The following SNX18 variants were observed in gnomAD, a reference collection of about 807,000 sequenced individuals.
The protein encoded by SNX18 is sorting nexin 18.
Under a neutral mutation model 48.7 loss-of-function variants are expected in SNX18, and 35 were observed. That is an observed-to-expected ratio of 0.72 (90% CI 0.55 to 0.95). SNX18 has a LOEUF of 0.95. Among genes scored for constraint, SNX18 ranks in the 40% least tolerant of loss-of-function variants. SNX18 has a pLI of 0.00. For synonymous variants in SNX18, 492 were observed against 384.7 expected (o/e 1.28, Z -3.26); for missense variants, 824 against 871.0 (o/e 0.95, Z 0.68).
chr5:54,615,424 C>G, the SNX18 span, among the ~76,000 whole-genome samples: 1 of 151,920 alleles, frequency 6.6e-6, no homozygotes, highest in African/African-American at 2.4e-5. Flanking sequence ...CATTCCTACT[C>G]TCTTTTAAAA....
At chr5:54,539,224 T>C (rs1188107628) in intron 1 of SNX18, among the ~76,000 whole-genome samples, 5 of 150,636 alleles carry the variant, frequency 3.3e-5, no homozygotes, top group Non-Finnish European at 7.4e-5. Context: ...AGTGCTTGCT[T>C]TGAAGTCAGT....
chr5:54,517,922 A>G lies in SNX18; in HGVS notation c.-31A>G. On this transcript the variant is annotated 5_prime_UTR_variant, in exon 1 of 2. Transcript: ENST00000381410. ...GTGGGCCTCGGCTCGGGACGCCGGG[A>G]GTCGGGACCGCCAGTCGGGGCGCCG... The G allele has an allele frequency of 6.7e-7, 1 of 1,483,324 alleles. No individual in the cohort carries two copies. The highest frequency in any genetic ancestry group is 1.3e-5 in the South Asian group (1 of 78,470). The allele number at this position is 1,483,324 out of a possible 1,614,324, so 91.9% of individuals were successfully genotyped here. A position where few individuals can be genotyped will look rare whatever the true frequency, so the allele number is the denominator to read the frequency against.
chr5:54,636,068 G>C, the SNX18 span, among the ~76,000 whole-genome samples: 4 of 152,168 alleles, frequency 2.6e-5, no homozygotes, highest in Non-Finnish European at 4.4e-5. Flanking sequence ...GCAAACACCA[G>C]CTTAGGAGAA....
the SNX18 span, among the ~76,000 whole-genome samples, chr5:54,605,219 A>G: frequency 2.0e-5 from 3 of 152,168 alleles, no homozygotes; most frequent in African/African-American, 7.2e-5. Context: ...AGGAGGAAAT[A>G]TATCCTGTTT....
chr5:54,637,813 T>C, the SNX18 span, among the ~76,000 whole-genome samples: 1 of 152,216 alleles, frequency 6.6e-6, no homozygotes, highest in South Asian at 2.1e-4. Flanking sequence ...ATACTCTACA[T>C]GACCTTGCAA....
Position 54,543,230 on chromosome 5 carries a change from T to A in SNX18, c.1673T>A (p.Met558Lys), listed in dbSNP as rs758111821. The A allele has an allele frequency of 6.2e-7, 1 of 1,614,090 alleles. No individual in the cohort carries two copies. Among genetic ancestry groups the A allele is most frequent in the Non-Finnish European group, 8.5e-7 (1 of 1,180,018 alleles). Residue 558 changes from methionine (M) to lysine (K), a missense_variant, in exon 2 of 2, where the codon ATG becomes AAG. By Grantham distance (95) the Met-to-Lys change is moderately conservative (BLOSUM62 -1). Transcript: ENST00000381410. ...AGGCGACACGTGGAGGAAGGGAAGA[T>A]GGAGGTGCAGAAGGCTGACGGCATT... ...ESRRHVEEGKMEVQKADGIQD... is the reference protein window; with the variant it reads ...ESRRHVEEGKKEVQKADGIQD...
the SNX18 span, among the ~76,000 whole-genome samples, chr5:54,613,540 T>C: frequency 3.9e-5 from 6 of 152,160 alleles, no homozygotes; most frequent in South Asian, 4.1e-4. Context: ...TGCTGTTGCA[T>C]TGGGGATGTT....
the SNX18 span, among the ~76,000 whole-genome samples, chr5:54,580,661 A>T: frequency 6.6e-6 from 1 of 152,232 alleles, no homozygotes; most frequent in Non-Finnish European, 1.5e-5. Context: ...GCAGAAAAAG[A>T]AAAATGGATC....
At chr5:54,521,356 G>T (rs1451785956) in intron 1 of SNX18, among the ~76,000 whole-genome samples, 3 of 152,186 alleles carry the variant, frequency 2.0e-5, no homozygotes, top group Non-Finnish European at 4.4e-5. Flanking sequence ...AAAAGGTATG[G>T]TGTGTGTTCT....
the SNX18 span, among the ~76,000 whole-genome samples, chr5:54,635,648 G>A: frequency 6.6e-6 from 1 of 152,222 alleles, no homozygotes; most frequent in Non-Finnish European, 1.5e-5. Context: ...GGTAGCATAT[G>A]TAGTGGATGC....
At chr5:54,620,115 T>C in the SNX18 span, among the ~76,000 whole-genome samples, 2 of 152,310 alleles carry the variant, frequency 1.3e-5, no homozygotes, top group East Asian at 3.9e-4. Flanking sequence ...TTTTCACCTC[T>C]GTTTTATAAA....
the SNX18 span, among the ~76,000 whole-genome samples, chr5:54,642,139 C>A: frequency 6.6e-6 from 1 of 152,164 alleles, no homozygotes. Context: ...TATCAGGAAC[C>A]ATGAAAGGTC....
In SNX18 at chr5:54,544,625, G is replaced by T. The variant is rs1762540198; in HGVS notation, c.*1193G>T. On this transcript the variant is annotated 3_prime_UTR_variant, in exon 2 of 2. Coordinates refer to ENST00000381410, the MANE Select transcript of SNX18 (RefSeq NM_001102575.2). The stretch of plus-strand genomic sequence containing the variant: ...ATACTATGTTTTAAAAAAAAAAAAG[G>T]TATTGATGAGCCCCCCCCCCCCAGG... The T allele has an allele frequency of 9.9e-6, 1 of 100,994 alleles. No homozygotes were observed. The highest frequency in any genetic ancestry group is 2.5e-4 in the East Asian group (1 of 4,018). The allele number at this position is 100,994 out of a possible 1,614,324, so 6.3% of individuals were successfully genotyped here.
chr5:54,519,714 T>C, intron 1 of SNX18, 141 bp downstream of exon 1: 1 of 1,614,182 alleles, frequency 6.2e-7, no homozygotes, highest in Non-Finnish European at 8.5e-7. Context: ...CGCCTGGGTC[T>C]TTTCCCTAGA....
chr5:54,569,106 G>A, the SNX18 span, among the ~76,000 whole-genome samples: 1 of 151,882 alleles, frequency 6.6e-6, no homozygotes. Flanking sequence ...GCCTCCCAAA[G>A]TGCTGGGATT....
chr5:54,566,833 T>C, the SNX18 span, among the ~76,000 whole-genome samples: 1 of 152,160 alleles, frequency 6.6e-6, no homozygotes, highest in Non-Finnish European at 1.5e-5. Context: ...AGAACTGGTG[T>C]TGGTGGACAG....
chr5:54,629,711 T>G, the SNX18 span, among the ~76,000 whole-genome samples: 62,622 of 152,030 alleles, frequency 0.41, 13,524 homozygotes, highest in South Asian at 0.64. Flanking sequence ...CACAGCAACT[T>G]TCACAGTGCT....
chr5:54,521,163 T>G (rs1356662238), intron 1 of SNX18, among the ~76,000 whole-genome samples: 2 of 152,162 alleles, frequency 1.3e-5, no homozygotes, highest in Non-Finnish European at 2.9e-5. Flanking sequence ...TTTTACACAT[T>G]TCTGTGAGTT....
chr5:54,519,849 A>G, intron 1 of SNX18: 6 of 1,579,142 alleles, frequency 3.8e-6, no homozygotes, highest in Non-Finnish European at 5.2e-6. Flanking sequence ...GAGTTTGAAT[A>G]GTTGAGTAAT....
Sources: gnomAD v4.1 joint callset for allele counts (sites outside exome capture counted in the v4.1 genomes callset) on GRCh38, gnomAD v4.1.1 for gene constraint, MANE v1.5 for transcripts, NCBI Gene and HGNC (gene_info 2026-07-23, HGNC 2026-07-21) for gene names.